SQSTM1: variants seen among roughly 807,000 people sequenced by gnomAD.
SQSTM1 encodes the protein sequestosome 1.
A neutral mutation model predicts 45.1 loss-of-function variants in SQSTM1; 36 were observed. That is an observed-to-expected ratio of 0.80 (90% CI 0.61 to 1.05). SQSTM1 has a LOEUF of 1.05. Among genes scored for constraint, SQSTM1 ranks in the 50% least tolerant of loss-of-function variants. The probability of loss-of-function intolerance (pLI) is 0.00; values close to 1 mark genes in which losing one functional copy is unlikely to be tolerated. For missense variants in SQSTM1, 617 were observed against 607.1 expected (o/e 1.02, Z -0.17); for synonymous variants, 290 against 244.3 (o/e 1.19, Z -1.74).
At chr5:179,810,703 A>C (rs1338629467) in intron 1 of SQSTM1, among the ~76,000 whole-genome samples, 1 of 152,218 alleles carries the variant, frequency 6.6e-6, no homozygotes, top group Non-Finnish European at 1.5e-5. Flanking sequence ...TGACTTCCAC[A>C]ATGGTTGAAC....
intron 4 of SQSTM1, 92 bp from the exon 5 acceptor site, chr5:179,825,054 G>T (rs1757936811): frequency 1.5e-6 from 2 of 1,326,822 alleles, no homozygotes; most frequent in Admixed American, 3.5e-5. Context: ...GGTCACCCGG[G>T]AACACAGGGA....
chr5:179,824,562 C>T (rs1435614287), intron 4 of SQSTM1, among the ~76,000 whole-genome samples: 1 of 152,124 alleles, frequency 6.6e-6, no homozygotes, highest in Non-Finnish European at 1.5e-5. Flanking sequence ...GCCCTTCCTA[C>T]CTCAGGAGGC....
At chr5:179,807,168 G>GGGCGGGC (rs1451742425) in intron 1 of SQSTM1, among the ~76,000 whole-genome samples, 2 of 151,718 alleles carry the variant, frequency 1.3e-5, no homozygotes, top group Admixed American at 6.6e-5. Flanking sequence ...CCGGGGCGGG[G>GGGCGGGC]GGCGGGCGGC....
chr5:179,821,630 G>A (rs1320523393), intron 1 of SQSTM1: 1 of 422,682 alleles, frequency 2.4e-6, no homozygotes, highest in Admixed American at 2.6e-5. Context: ...AACAAGCGCG[G>A]GGGTGCGGGG....
chr5:179,825,319 A>C (rs1757947636), intron 5 of SQSTM1, 93 bp downstream of exon 5: 7 of 1,123,236 alleles, frequency 6.2e-6, no homozygotes, highest in Non-Finnish European at 1.3e-6. Context: ...GGTAATTGAC[A>C]TGCCCTTGAC....
upstream of SQSTM1, among the ~76,000 whole-genome samples, chr5:179,814,036 C>T (rs1320668065): frequency 1.3e-5 from 2 of 152,208 alleles, no homozygotes; most frequent in Non-Finnish European, 2.9e-5. Context: ...TGGCGTGAGC[C>T]TGTAGTCCCA....
rs755377558 is a variant in SQSTM1 at position 179,837,423 on chromosome 5, T to C, written c.*830T>C. ...TCATCATCGAAGTCTTCCCCAGTTATAAAGAGGTCACATAGTCGTGTGGGT... is the reference window on the plus strand; with the variant it reads ...TCATCATCGAAGTCTTCCCCAGTTACAAAGAGGTCACATAGTCGTGTGGGT... On this transcript the variant is annotated 3_prime_UTR_variant, in exon 8 of 8. Transcript: ENST00000389805. The C allele has an allele frequency of 2.7e-5, 43 of 1,603,698 alleles. No homozygotes were observed. Among genetic ancestry groups the C allele is most frequent in the South Asian group, 3.3e-5 (3 of 90,148 alleles).
intron 4 of SQSTM1, among the ~76,000 whole-genome samples, chr5:179,824,531 G>T (rs980285473): frequency 1.3e-5 from 2 of 152,130 alleles, no homozygotes; most frequent in Non-Finnish European, 2.9e-5. Flanking sequence ...AAGTGCCTGA[G>T]GCCACAAATT....
rs745524145 is a variant in SQSTM1 at position 179,837,890 on chromosome 5, A to T, written c.*1297A>T. ...CCATGTCAGGCCAGCCTGTCCCTGA[A>T]AGAGAAGATGGCCATGCCCTCCATG... On this transcript the variant is annotated 3_prime_UTR_variant, in exon 8 of 8. Coordinates refer to ENST00000389805, the MANE Select transcript of SQSTM1 (RefSeq NM_003900.5). The T allele has an allele frequency of 6.2e-7, 1 of 1,600,768 alleles. No homozygotes were observed. Among genetic ancestry groups the T allele is most frequent in the Non-Finnish European group, 8.5e-7 (1 of 1,177,960 alleles).
rs141436407 is a variant in SQSTM1 at position 179,833,613 on chromosome 5, A to G, written c.996A>G (p.Ser332=). ...PEEQMESDNC[S]GGDDDWTHLS... ...AACAGATGGAGTCGGATAACTGTTC[A>G]GGAGGAGATGATGACTGGACCCATC... Residue 332 remains serine (S), a synonymous_variant, in exon 7 of 8, where the codon TCA becomes TCG. Transcript: ENST00000389805. 4.1e-4 allele frequency: 655 copies of G among 1,613,990 alleles called. 5 individuals are homozygous for G. In the African/African-American group the frequency reaches 7.6e-3, roughly 19 times the overall value.
upstream of SQSTM1, chr5:179,820,277 C>T (rs1179724494): frequency 6.6e-6 from 1 of 152,576 alleles, no homozygotes; most frequent in Non-Finnish European, 1.5e-5. Flanking sequence ...TCCTCCAGCA[C>T]CTCTCAACTC....
chr5:179,824,450 A>G lies in SQSTM1; in HGVS notation c.673+127A>G, dbSNP rs143955370. ...ATACCCCCCACCTTCCTGGTGCCCTACAATCACACAAGAACCCTGCAAAGT... is the reference window on the plus strand; with the variant it reads ...ATACCCCCCACCTTCCTGGTGCCCTGCAATCACACAAGAACCCTGCAAAGT... On this transcript the variant is annotated intron_variant, in intron 4 of 7. Coordinates refer to ENST00000389805, the MANE Select transcript of SQSTM1 (RefSeq NM_003900.5). 1,254 of 1,369,964 alleles carry G rather than the reference A, an allele frequency of 9.2e-4. 11 individuals carry two copies. The African/African-American group carries it at 0.015, about 17-fold the overall frequency. The allele number at this position is 1,369,964 out of a possible 1,614,324, so 84.9% of individuals were successfully genotyped here.
intron 5 of SQSTM1, among the ~76,000 whole-genome samples, chr5:179,828,171 G>A (rs565896164): frequency 6.6e-6 from 1 of 152,294 alleles, no homozygotes; most frequent in Admixed American, 6.5e-5. Context: ...CGTAGACAAA[G>A]TAGCCTGTCC....
Position 179,824,274 on chromosome 5 carries a change from A to T in SQSTM1, c.624A>T (p.Pro208=). 6.2e-7 allele frequency: 1 copy of T among 1,613,794 alleles called. No homozygotes were observed. Residue 208 remains proline (P), a synonymous_variant, in exon 4 of 8, where the codon CCA becomes CCT. Transcript: ENST00000389805. The part of the protein sequence containing the change: ...WEMGPPGNWS[P]RPPRAGEARP... ...TGGGTCCACCAGGAAACTGGAGCCC[A>T]CGTCCTCCTCGTGCAGGGGAGGCCC...
At position 179,836,989 on chromosome 5, in the gene SQSTM1, G is replaced by A. The variant is rs150371553; in HGVS notation, c.*396G>A. The A allele has an allele frequency of 1.6e-6, 1 of 612,106 alleles. No individual in the cohort carries two copies. The highest frequency in any genetic ancestry group is 2.9e-6 in the Non-Finnish European group (1 of 346,398). The allele number at this position is 612,106 out of a possible 1,614,324, so 37.9% of individuals were successfully genotyped here. On this transcript the variant is annotated 3_prime_UTR_variant, in exon 8 of 8. Transcript: ENST00000389805. ...TTGATTATTTTCTGCTACAGACCTG[G>A]TACACTCTGATTTTAGATAAAGTAA... is the stretch of plus-strand genomic sequence containing the variant.
chr5:179,825,324 C>T, intron 5 of SQSTM1, 98 bp downstream of exon 5: 3 of 1,067,524 alleles, frequency 2.8e-6, no homozygotes, highest in Non-Finnish European at 4.3e-6. Context: ...TTGACATGCC[C>T]TTGACACTGG....
chr5:179,816,076 G>A (rs982034398), upstream of SQSTM1, among the ~76,000 whole-genome samples: 3 of 152,154 alleles, frequency 2.0e-5, no homozygotes, highest in African/African-American at 7.2e-5. Flanking sequence ...GTAAGTACCC[G>A]TCCTGGGGTG....
chr5:179,810,848 G>T (rs911343465), intron 1 of SQSTM1, among the ~76,000 whole-genome samples: 27 of 151,948 alleles, frequency 1.8e-4, no homozygotes, highest in Non-Finnish European at 4.0e-4. Flanking sequence ...GTTTTGATTT[G>T]CATTTCTCTG....
upstream of SQSTM1, among the ~76,000 whole-genome samples, chr5:179,816,039 G>A (rs1241491717): frequency 2.6e-4 from 39 of 152,220 alleles, no homozygotes; most frequent in Non-Finnish European, 1.5e-4. Flanking sequence ...GGCTGCGAGT[G>A]TGCAGAGCTG....
Sources: gnomAD v4.1 joint callset for allele counts (sites outside exome capture counted in the v4.1 genomes callset) on GRCh38, gnomAD v4.1.1 for gene constraint, MANE v1.5 for transcripts, NCBI Gene and HGNC (gene_info 2026-07-23, HGNC 2026-07-21) for gene names.